Variants in DNAH9 observed in about 807,000 individuals in gnomAD.
DNAH9 encodes the protein dynein axonemal heavy chain 9.
A neutral mutation model predicts 471.6 loss-of-function variants in DNAH9; 345 were observed. That is an observed-to-expected ratio of 0.73 (90% CI 0.67 to 0.80). The LOEUF (loss-of-function observed/expected upper bound fraction) is 0.80, where lower values mean the gene tolerates loss of function less well. Ranked by LOEUF, DNAH9 falls within the 30% of genes least tolerant of loss-of-function variation. The probability of loss-of-function intolerance (pLI) is 0.00; values close to 1 mark genes in which losing one functional copy is unlikely to be tolerated. For synonymous variants in DNAH9, 2,093 were observed against 2,123.6 expected, an observed-to-expected ratio of 0.99 and a Z score of 0.40; for missense variants, 5,407 against 5,609.2, an observed-to-expected ratio of 0.96 and a Z score of 1.15.
chr17:11,931,430 G>GACCATGTA (rs1055697229), intron 63 of DNAH9, among the ~76,000 whole-genome samples: 1 of 152,170 alleles, frequency 6.6e-6, no homozygotes, highest in African/African-American at 2.4e-5. Flanking sequence ...GTAAGATGAA[G>GACCATGTA]ACCATGTAAC....
chr17:11,942,481 T>G lies in DNAH9; in HGVS notation c.12839T>G (p.Leu4280Ter), dbSNP rs370777456. ...QRSLRELELG[L>*]KGELTMTSHM... Reference sequence around the variant, plus strand: ...TCACTGAGGGAGCTGGAGCTCGGCTTAAAGGTGAGCGCGGTCTTGTAAGGC... The same window carrying G: ...TCACTGAGGGAGCTGGAGCTCGGCTGAAAGGTGAGCGCGGTCTTGTAAGGC... Residue 4280 changes from leucine (L) to a stop codon, truncating the protein, a stop_gained, in exon 67 of 69, where the codon TTA becomes TGA. Coordinates refer to ENST00000262442, the MANE Select transcript of DNAH9 (RefSeq NM_001372.4). LOFTEE classifies it high-confidence loss of function. 11 of 1,613,522 alleles carry G rather than the reference T, an allele frequency of 6.8e-6. No individual in the cohort carries two copies. The highest frequency in any genetic ancestry group is 9.3e-6 in the Non-Finnish European group (11 of 1,179,868).
intron 49 of DNAH9, among the ~76,000 whole-genome samples, chr17:11,848,647 C>A (rs1971305070): frequency 6.6e-6 from 1 of 152,028 alleles, no homozygotes; most frequent in Non-Finnish European, 1.5e-5. Flanking sequence ...ATCCCACTTC[C>A]AAGAAGATTG....
At chr17:11,605,145 C>G (rs1313078401) in intron 1 of DNAH9, among the ~76,000 whole-genome samples, 1 of 152,140 alleles carries the variant, frequency 6.6e-6, no homozygotes. Flanking sequence ...TGTTCCTTCT[C>G]CCTGCAATAT....
rs567188310 is a variant in DNAH9 at position 11,815,406 on chromosome 17, C to T, written c.8707+5037C>T. Among the ~76,000 whole-genome samples, 5 of 152,202 alleles carry T rather than the reference C, an allele frequency of 3.3e-5. No homozygotes were observed. In the South Asian group the frequency reaches 8.3e-4, roughly 25 times the overall value. ...TTTTGCCTTCTTTTGCCTTGACAAACGCCAACACTCCTTAACTTATCTCTC... is the reference window on the plus strand; with the variant it reads ...TTTTGCCTTCTTTTGCCTTGACAAATGCCAACACTCCTTAACTTATCTCTC... On this transcript the variant is annotated intron_variant, in intron 45 of 68. Transcript: ENST00000262442.
Position 11,929,980 on chromosome 17 carries a change from CCT to C in DNAH9, c.11993_11994del (p.Pro3998ArgfsTer15). The part of the protein sequence containing the change: ...VFMSAEPAPS[P>X]EGHIIPQGIL... ...CATGAGTGCAGAGCCAGCACCCTCC[CCT>C]GAGGGCCACATCATCCCCCAGGGCA... On this transcript the variant is annotated frameshift_variant, in exon 63 of 69. Transcript: ENST00000262442. LOFTEE classifies it high-confidence loss of function. 1 of 1,614,078 alleles carries C rather than the reference CCT, an allele frequency of 6.2e-7. No individual in the cohort carries two copies. The highest frequency in any genetic ancestry group is 8.5e-7 in the Non-Finnish European group (1 of 1,180,002).
At chr17:11,698,793 C>T (rs931027539) in intron 22 of DNAH9, among the ~76,000 whole-genome samples, 2 of 152,004 alleles carry the variant, frequency 1.3e-5, no homozygotes, top group South Asian at 4.2e-4. Flanking sequence ...CAGCATCCCT[C>T]CTAGCACTAC....
chr17:11,798,760 T>C (rs117566624), intron 43 of DNAH9, among the ~76,000 whole-genome samples: 1 of 152,260 alleles, frequency 6.6e-6, no homozygotes, highest in East Asian at 1.9e-4. Context: ...TACTGCCAAA[T>C]TCTAACTGAT....
intron 7 of DNAH9, among the ~76,000 whole-genome samples, chr17:11,631,537 TG>T (rs2073066013): frequency 1.3e-5 from 2 of 151,316 alleles, no homozygotes; most frequent in African/African-American, 4.9e-5. Flanking sequence ...CTCAATTACT[TG>T]GGAGGCTGAG....
chr17:11,939,807 CATGGATGGATGGATGGATGG>C lies in DNAH9; in HGVS notation c.12660+2305_12660+2324del, dbSNP rs57669174. 9.5e-5 allele frequency among the ~76,000 whole-genome samples: 14 copies of C among 147,172 alleles called. No individual in the cohort carries two copies. In the South Asian group the frequency reaches 1.1e-3, roughly 12 times the overall value. On this transcript the variant is annotated intron_variant, in intron 66 of 68. Coordinates refer to ENST00000262442, the MANE Select transcript of DNAH9 (RefSeq NM_001372.4). ...AGAAGGGAGGTTGGCATGTTAGATA[CATGGATGGATGGATGGATGG>C]ATGGATGGATGGATGGATGATGGGT...
At chr17:11,677,920 A>T (rs1020825582) in intron 17 of DNAH9, among the ~76,000 whole-genome samples, 2 of 151,722 alleles carry the variant, frequency 1.3e-5, no homozygotes, top group African/African-American at 4.9e-5. Flanking sequence ...GAATAGTTTC[A>T]TGTCTCCTGT....
At chr17:11,631,642 A>C (rs1350121013) in intron 7 of DNAH9, among the ~76,000 whole-genome samples, 1 of 147,566 alleles carries the variant, frequency 6.8e-6, no homozygotes, top group South Asian at 2.1e-4. Context: ...CTCTGTCTCA[A>C]AAAAAAAAAA....
chr17:11,919,736 G>A (rs1974075659), intron 61 of DNAH9, among the ~76,000 whole-genome samples: 4 of 152,120 alleles, frequency 2.6e-5, no homozygotes, highest in Middle Eastern at 3.2e-3. Flanking sequence ...GTAGAAGGAG[G>A]CAATGGAGTT....
chr17:11,895,471 AT>A (rs927965490), intron 59 of DNAH9, among the ~76,000 whole-genome samples: 5 of 152,160 alleles, frequency 3.3e-5, no homozygotes, highest in Non-Finnish European at 7.4e-5. Flanking sequence ...CTTTCTCCTT[AT>A]TTTTTTATTA....
intron 50 of DNAH9, among the ~76,000 whole-genome samples, chr17:11,865,729 T>C (rs1972026139): frequency 7.8e-6 from 1 of 128,694 alleles, no homozygotes; most frequent in East Asian, 2.2e-4. Context: ...CTTTTTATTC[T>C]TTTTTCTCTA....
At chr17:11,724,938 C>G (rs565214912) in intron 27 of DNAH9, among the ~76,000 whole-genome samples, 1 of 152,154 alleles carries the variant, frequency 6.6e-6, no homozygotes, top group African/African-American at 2.4e-5. Flanking sequence ...TTGGTTCCAA[C>G]TGGGGGTGAT....
intron 10 of DNAH9, 88 bp downstream of exon 10, chr17:11,640,472 A>G (rs191742658): frequency 1.1e-6 from 1 of 876,726 alleles, no homozygotes; most frequent in Non-Finnish European, 1.9e-6. Context: ...CAACCTGCTT[A>G]ACGAAGGCCA....
rs2072913631 is a variant in DNAH9 at position 11,623,468 on chromosome 17, CCT to C, written c.1350+3690_1350+3691del. On this transcript the variant is annotated intron_variant, in intron 6 of 68. Transcript: ENST00000262442. The surrounding 1 kb of genome is among the most constrained non-coding windows in gnomAD (Gnocchi z 4.1). ...TGCCCCTTTTCCTCATATTTCCTCC[CCT>C]CTTTTATTTTTAATCTCCCAAATGT... Among the ~76,000 whole-genome samples the C allele has an allele frequency of 6.6e-6, 1 of 152,022 alleles. No individual in the cohort carries two copies. Among genetic ancestry groups the C allele is most frequent in the Admixed American group, 6.6e-5 (1 of 15,254 alleles).
rs77197643 is a variant in DNAH9, at chr17:11,962,968, A to G, written c.13233+712A>G. Among the ~76,000 whole-genome samples the G allele has an allele frequency of 0.011, 1,639 of 152,324 alleles. 33 individuals carry two copies. The highest frequency in any genetic ancestry group is 0.038 in the African/African-American group (1,561 of 41,556). On this transcript the variant is annotated intron_variant, in intron 68 of 68. Coordinates refer to ENST00000262442, the MANE Select transcript of DNAH9 (RefSeq NM_001372.4). This position sits in a 1 kb window ranked among gnomAD's most constrained non-coding sequence, Gnocchi z 4.1. ...GATTGGAGAAGATGTTTTGTCACCA[A>G]TAAGAATATGCAAATAGAGATTTAC...
At chr17:11,923,232 C>T (rs1428880066) in intron 61 of DNAH9, among the ~76,000 whole-genome samples, 1 of 152,020 alleles carries the variant, frequency 6.6e-6, no homozygotes, top group Non-Finnish European at 1.5e-5. Flanking sequence ...CCTCCCACCA[C>T]ACCCAGCTAA....
Sources: gnomAD v4.1 joint callset for allele counts (sites outside exome capture counted in the v4.1 genomes callset) on GRCh38, gnomAD v4.1.1 for gene constraint, Gnocchi (gnomAD v3.1) non-coding constraint, MANE v1.5 for transcripts, NCBI Gene and HGNC (gene_info 2026-07-23, HGNC 2026-07-21) for gene names.